The following MYZAP variants were observed in gnomAD, a reference collection of about 807,000 sequenced individuals.
MYZAP encodes the protein myocardial zonula adherens protein, also known as GRINL1A complex locus upstream.
In MYZAP, 66 loss-of-function variants were observed where a neutral mutation model predicts 69.4. The observed-to-expected ratio is 0.95, with a 90% CI of 0.78 to 1.17. The LOEUF is 1.17. Among genes scored for constraint, MYZAP ranks in the 50% most tolerant of loss-of-function variants. The pLI is 0.00. For missense variants in MYZAP, 611 were observed against 556.2 expected, an observed-to-expected ratio of 1.10 and a Z score of -0.99; for synonymous variants, 256 against 205.9, an observed-to-expected ratio of 1.24 and a Z score of -2.09.
At chr15:57,639,312 G>C in intron 9 of MYZAP, 128 bp from the exon 10 acceptor site, 1 of 1,000,000 alleles carries the variant, frequency 1.0e-6, no homozygotes, top group South Asian at 1.6e-5. Flanking sequence ...CTCTTGAAGT[G>C]TTGGGATTAC....
chr15:57,639,582 T>G, intron 10 of MYZAP, 37 bp downstream of exon 10: 1 of 1,599,462 alleles, frequency 6.3e-7, no homozygotes, highest in Non-Finnish European at 8.5e-7. Flanking sequence ...CTGGGATTGC[T>G]TCCTGTGGTG....
intron 11 of MYZAP, among the ~76,000 whole-genome samples, chr15:57,668,871 AAGAT>A (rs1226490086): frequency 6.1e-5 from 3 of 48,818 alleles, no homozygotes; most frequent in Non-Finnish European, 1.4e-4. Context: ...ATGTCTGTTG[AAGAT>A]ATATATATAT....
chr15:57,634,013 G>T (rs1166672409), intron 8 of MYZAP, among the ~76,000 whole-genome samples: 1 of 152,168 alleles, frequency 6.6e-6, no homozygotes, highest in Non-Finnish European at 1.5e-5. Flanking sequence ...GGTGCCCCAG[G>T]TGTGAACTTA....
At position 57,621,653 on chromosome 15, in the gene MYZAP, T is replaced by C; in HGVS notation, c.364T>C (p.Tyr122His). 1 of 1,614,026 alleles carries C rather than the reference T, an allele frequency of 6.2e-7. No homozygotes were observed. Among genetic ancestry groups the C allele is most frequent in the Non-Finnish European group, 8.5e-7 (1 of 1,179,938 alleles). Residue 122 changes from tyrosine to histidine, a missense_variant, in exon 4 of 13, where the codon TAT becomes CAT. Transcript: ENST00000267853. The stretch of plus-strand genomic sequence containing the variant: ...GGTGAGAAAGCGAATGTATGGAGAC[T>C]ATGATGAGATGAGACAGAAGATTCG... ...EKVRKRMYGD[Y>H]DEMRQKIRQL...
chr15:57,670,887 G>A (rs77068245), intron 11 of MYZAP, among the ~76,000 whole-genome samples: 3,315 of 151,870 alleles, frequency 0.022, 130 homozygotes, highest in African/African-American at 0.076. Flanking sequence ...CATGATATAC[G>A]TTCATTTACC....
At chr15:57,599,120 T>G (rs1359970539) in intron 1 of MYZAP, among the ~76,000 whole-genome samples, 5 of 152,200 alleles carry the variant, frequency 3.3e-5, no homozygotes. Flanking sequence ...GGTATAGTAT[T>G]GTTAGTTCTT....
chr15:57,621,382 T>A (rs2035806467), intron 3 of MYZAP, among the ~76,000 whole-genome samples: 1 of 151,792 alleles, frequency 6.6e-6, no homozygotes, highest in African/African-American at 2.4e-5. Context: ...CCCAACTAAT[T>A]TTTGTATTTT....
intron 10 of MYZAP, among the ~76,000 whole-genome samples, chr15:57,642,901 T>C (rs536672365): frequency 3.4e-4 from 52 of 152,304 alleles, no homozygotes; most frequent in Admixed American, 2.8e-3. Flanking sequence ...GGGTGAGCCC[T>C]TTTGAAATGA....
intron 11 of MYZAP, among the ~76,000 whole-genome samples, chr15:57,667,188 T>G (rs1320177538): frequency 2.0e-5 from 3 of 152,212 alleles, no homozygotes; most frequent in Non-Finnish European, 4.4e-5. Flanking sequence ...TTAATTTTTC[T>G]GTGTAATGTT....
intron 11 of MYZAP, among the ~76,000 whole-genome samples, chr15:57,670,802 G>A (rs1331862494): frequency 2.0e-5 from 3 of 151,878 alleles, no homozygotes; most frequent in Non-Finnish European, 4.4e-5. Flanking sequence ...AGGTATTGTA[G>A]TATACATCAT....
At chr15:57,667,773 C>T (rs1347073042) in intron 11 of MYZAP, among the ~76,000 whole-genome samples, 1 of 152,082 alleles carries the variant, frequency 6.6e-6, no homozygotes, top group Non-Finnish European at 1.5e-5. Context: ...TATTTATTAA[C>T]TTACATAAGT....
intron 1 of MYZAP, among the ~76,000 whole-genome samples, chr15:57,595,998 G>A (rs185719850): frequency 7.2e-5 from 11 of 152,252 alleles, no homozygotes; most frequent in Non-Finnish European, 1.3e-4. Flanking sequence ...AACCTGTGCC[G>A]GTCAAAAATG....
chr15:57,617,338 C>T (rs1169743609), intron 2 of MYZAP, among the ~76,000 whole-genome samples: 3 of 152,116 alleles, frequency 2.0e-5, no homozygotes, highest in African/African-American at 4.8e-5. Flanking sequence ...GCTTGTTAAG[C>T]CTTCATTCTA....
At chr15:57,668,892 A>AT (rs1424393924) in intron 11 of MYZAP, among the ~76,000 whole-genome samples, 1,321 of 58,654 alleles carry the variant, frequency 0.023, 20 homozygotes, top group East Asian at 0.12. Flanking sequence ...ATATATATAT[A>AT]TATTTTTTTT....
At chr15:57,677,117 T>C (rs975067346) in intron 12 of MYZAP, among the ~76,000 whole-genome samples, 6 of 152,194 alleles carry the variant, frequency 3.9e-5, no homozygotes, top group African/African-American at 1.4e-4. Flanking sequence ...CTCAGGGCAG[T>C]GGCCTTCCAC....
At chr15:57,661,795 A>C (rs1249837814) in intron 11 of MYZAP, among the ~76,000 whole-genome samples, 1 of 152,132 alleles carries the variant, frequency 6.6e-6, no homozygotes, top group African/African-American at 2.4e-5. Context: ...AAGCCTGATA[A>C]GCTGTTGATT....
rs144926370 is a variant in MYZAP at position 57,625,843 on chromosome 15, G to A, written c.476G>A (p.Arg159His). Residue 159 changes from arginine (R) to histidine (H), a missense_variant, in exon 5 of 13, where the codon CGT (arginine) becomes CAT (histidine). Transcript: ENST00000267853. ...HIQTQSSALDRFNAMNSALAS... is the reference protein window; with the variant it reads ...HIQTQSSALDHFNAMNSALAS... The stretch of plus-strand genomic sequence containing the variant: ...CAAACCCAGTCGTCTGCCCTGGATC[G>A]TTTTAATGCCATGAACTCAGCCTTG... The A allele has an allele frequency of 1.5e-4, 239 of 1,614,136 alleles. No homozygotes were observed. The highest frequency in any genetic ancestry group is 8.4e-4 in the African/African-American group (63 of 75,018).
At chr15:57,669,381 G>T (rs555434513) in intron 11 of MYZAP, among the ~76,000 whole-genome samples, 3 of 152,000 alleles carry the variant, frequency 2.0e-5, no homozygotes, top group Non-Finnish European at 4.4e-5. Flanking sequence ...TTTGGGTTTT[G>T]TGTGAAGCAA....
chr15:57,604,340 T>C lies in MYZAP; in HGVS notation c.147T>C (p.Ile49=). The C allele has an allele frequency of 1.2e-6, 2 of 1,614,140 alleles. No homozygotes were observed. The highest frequency in any genetic ancestry group is 1.7e-6 in the Non-Finnish European group (2 of 1,180,016). Reference sequence around the variant, plus strand: ...TTCCTGAGCAATGTGAAAAGAAGATTGAGAGAAAAGAGCAGGTAAGGTATC... The same window carrying C: ...TTCCTGAGCAATGTGAAAAGAAGATCGAGAGAAAAGAGCAGGTAAGGTATC... ...SPVPEQCEKK[I]ERKEQLLDLS... The change falls in exon 2 of 13, where the codon ATT becomes ATC. Residue 49 remains isoleucine, a synonymous_variant. Transcript: ENST00000267853.
Sources: gnomAD v4.1 joint callset for allele counts (sites outside exome capture counted in the v4.1 genomes callset) on GRCh38, gnomAD v4.1.1 for gene constraint, MANE v1.5 for transcripts, NCBI Gene and HGNC (gene_info 2026-07-23, HGNC 2026-07-21) for gene names.